Variants in ZNF638 observed in about 807,000 individuals in gnomAD.
The protein encoded by ZNF638 is CTCL tumor antigen se33-1.
A neutral mutation model predicts 195.6 loss-of-function variants in ZNF638; 46 were observed. The observed-to-expected ratio is 0.24, with a 90% CI of 0.19 to 0.30. ZNF638 has a LOEUF of 0.30. Among genes scored for constraint, ZNF638 ranks in the 10% least tolerant of loss-of-function variants. ZNF638 has a pLI of 1.00. For missense variants in ZNF638, 2,440 were observed against 2,325.3 expected, an observed-to-expected ratio of 1.05 and a Z score of -1.01; for synonymous variants, 845 against 772.0, an observed-to-expected ratio of 1.09 and a Z score of -1.57.
At chr2:71,390,007 C>A (rs112615590) in intron 10 of ZNF638, among the ~76,000 whole-genome samples, 1 of 152,150 alleles carries the variant, frequency 6.6e-6, no homozygotes, top group Non-Finnish European at 1.5e-5. Flanking sequence ...AGGGAGAAAA[C>A]CCCAAATTGT....
intron 1 of ZNF638, among the ~76,000 whole-genome samples, chr2:71,341,400 T>C (rs79337835): frequency 0.023 from 3,439 of 152,222 alleles, 130 homozygotes; most frequent in African/African-American, 0.078. Context: ...AAAAATAAAA[T>C]GTCAACTGAA....
chr2:71,359,320 G>A (rs541623217), intron 3 of ZNF638, among the ~76,000 whole-genome samples: 1 of 152,260 alleles, frequency 6.6e-6, no homozygotes, highest in Admixed American at 6.5e-5. Flanking sequence ...AGGCCCTATA[G>A]CCCCAGGAGC....
At chr2:71,427,799 A>G (rs550423787) in intron 24 of ZNF638, among the ~76,000 whole-genome samples, 1 of 152,360 alleles carries the variant, frequency 6.6e-6, no homozygotes, top group Non-Finnish European at 1.5e-5. Context: ...AGAACTATTT[A>G]TAAAGGAACT....
rs1442669262 is a variant in ZNF638, at chr2:71,401,475, G to A, written c.2698-481G>A. On this transcript the variant is annotated intron_variant, in intron 15 of 27. Coordinates refer to ENST00000264447, the MANE Select transcript of ZNF638 (RefSeq NM_014497.5). ...AGGATACACACTGATTTGGAGCTTGGGGATATTATCACAAGGCACAGGGAT... is the reference window on the plus strand; with the variant it reads ...AGGATACACACTGATTTGGAGCTTGAGGATATTATCACAAGGCACAGGGAT... 3.3e-5 allele frequency among the ~76,000 whole-genome samples: 5 copies of A among 152,052 alleles called. No individual in the cohort carries two copies. The East Asian group carries it at 9.6e-4, about 29-fold the overall frequency.
In ZNF638 at chr2:71,410,909, G is replaced by GT. The variant is rs200826644; in HGVS notation, c.3261+2668dup. On this transcript the variant is annotated intron_variant, in intron 20 of 27. Coordinates refer to ENST00000264447, the MANE Select transcript of ZNF638 (RefSeq NM_014497.5). ...TGGTATTGCTAGTCCAGTGAGTAAG[G>GT]TTTTTTCTTGGTTTGGGACTCATTT... Among the ~76,000 whole-genome samples, 877 of 147,864 alleles carry GT rather than the reference G, an allele frequency of 5.9e-3. 9 individuals are homozygous for GT. The highest frequency in any genetic ancestry group is 0.019 in the African/African-American group (763 of 39,710).
At chr2:71,356,884 C>T (rs1006803779) in intron 3 of ZNF638, among the ~76,000 whole-genome samples, 1 of 151,996 alleles carries the variant, frequency 6.6e-6, no homozygotes, top group Admixed American at 6.6e-5. Flanking sequence ...TCAGGAGCAG[C>T]TGTATTGGAT....
chr2:71,424,634 T>C lies in ZNF638; in HGVS notation c.4525-16T>C, dbSNP rs965525323. On this transcript the variant is annotated splice_polypyrimidine_tract_variant and intron_variant, in intron 22 of 27. Transcript: ENST00000264447. ...TGTAAATTCCGTTTTTCTGTATTTC[T>C]TATTTACTATTTCAGACTTTGGCTG... 1 of 1,595,938 alleles carries C rather than the reference T, an allele frequency of 6.3e-7. No individual in the cohort carries two copies. Among genetic ancestry groups the C allele is most frequent in the African/African-American group, 1.4e-5 (1 of 73,950 alleles).
chr2:71,335,066 T>C (rs554395196), intron 1 of ZNF638, among the ~76,000 whole-genome samples: 11 of 152,296 alleles, frequency 7.2e-5, no homozygotes, highest in African/African-American at 2.6e-4. Flanking sequence ...TTTTGCTTTG[T>C]TTTTGAGACA....
chr2:71,401,015 T>C (rs955838822), intron 15 of ZNF638, among the ~76,000 whole-genome samples: 7 of 152,184 alleles, frequency 4.6e-5, no homozygotes, highest in Non-Finnish European at 7.3e-5. Context: ...CAATCATTAA[T>C]TTACATTTTA....
In ZNF638 at chr2:71,406,134, A is replaced by G. The variant is rs2080101113; in HGVS notation, c.3007A>G (p.Ile1003Val). The change falls in exon 19 of 28, where the codon ATA becomes GTA. Residue 1003 changes from isoleucine to valine, a missense_variant. Transcript: ENST00000264447. ...LVKENDPEAN[I>V]DTIYDRFVHL... ...GTCTCTTAAAAAACTACAGGCAAAC[A>G]TAGATACAATTTATGATCGATTTGT... The G allele has an allele frequency of 6.2e-7, 1 of 1,613,510 alleles. No individual in the cohort carries two copies. Among genetic ancestry groups the G allele is most frequent in the Non-Finnish European group, 8.5e-7 (1 of 1,179,704 alleles).
At position 71,369,967 on chromosome 2, in the gene ZNF638, A is replaced by C; in HGVS notation, c.2227A>C (p.Ser743Arg). 1.3e-6 allele frequency: 2 copies of C among 1,597,882 alleles called. No homozygotes were observed. The highest frequency in any genetic ancestry group is 1.7e-6 in the Non-Finnish European group (2 of 1,175,268). ...AACACCTCTTACGATAAAAGGAAAA[A>C]GTGTGAAAATATGTGTTCCAGGAAA... ...ETTPLTIKGK[S>R]VKICVPGKKK... The change falls in exon 8 of 28, where the codon AGT becomes CGT. Residue 743 changes from serine to arginine, a missense_variant. Physicochemically the swap from Ser to Arg is moderately radical, Grantham distance 110. Around this residue, in one of 5 missense-constraint regions of ZNF638, gnomAD observed 1,883 missense variants for 1,739.1 expected, o/e 1.08. Transcript: ENST00000264447.
At chr2:71,430,023 A>G (rs2080624770) in intron 25 of ZNF638, among the ~76,000 whole-genome samples, 1 of 152,224 alleles carries the variant, frequency 6.6e-6, no homozygotes, top group South Asian at 2.1e-4. Flanking sequence ...CTTGGCAATC[A>G]GCTTGCTTAG....
chr2:71,343,901 C>T (rs558892376), intron 1 of ZNF638, among the ~76,000 whole-genome samples: 37 of 47,976 alleles, frequency 7.7e-4, no homozygotes, highest in African/African-American at 1.3e-3. Flanking sequence ...GAGGCTGAGG[C>T]GGGTGGATCA....
At chr2:71,410,980 A>ACCC (rs1215256972) in intron 20 of ZNF638, among the ~76,000 whole-genome samples, 8 of 42,626 alleles carry the variant, frequency 1.9e-4, no homozygotes, top group African/African-American at 3.9e-4. Flanking sequence ...CCCACCCACC[A>ACCC]CCTCCCCCCC....
intron 20 of ZNF638, among the ~76,000 whole-genome samples, chr2:71,409,582 G>T (rs2080171137): frequency 6.6e-6 from 1 of 152,138 alleles, no homozygotes; most frequent in Non-Finnish European, 1.5e-5. Context: ...TATATTCCCA[G>T]TCATTTCTCA....
intron 16 of ZNF638, 63 bp from the exon 17 acceptor site, chr2:71,403,807 A>G (rs1427020866): frequency 1.4e-5 from 17 of 1,221,776 alleles, no homozygotes; most frequent in Non-Finnish European, 1.9e-5. Context: ...TATACTTGCA[A>G]GTCTGTTTTT....
intron 1 of ZNF638, among the ~76,000 whole-genome samples, chr2:71,348,156 A>G (rs1344400771): frequency 2.0e-5 from 3 of 152,216 alleles, no homozygotes; most frequent in African/African-American, 7.2e-5. Flanking sequence ...ATGCCATTGC[A>G]TACTGTTTTC....
At chr2:71,409,305 T>A (rs2080165447) in intron 20 of ZNF638, among the ~76,000 whole-genome samples, 1 of 152,210 alleles carries the variant, frequency 6.6e-6, no homozygotes, top group South Asian at 2.1e-4. Flanking sequence ...TAATCAACTC[T>A]ATATTATCTT....
chr2:71,365,419 T>G lies in ZNF638; in HGVS notation c.1718-10T>G. ...TTCCAATTGAAATTATATTTATATC[T>G]TTTTACTAGATAGAAAAAAAGCATT... On this transcript the variant is annotated splice_polypyrimidine_tract_variant and intron_variant, in intron 5 of 27. Transcript: ENST00000264447. 1 of 1,563,794 alleles carries G rather than the reference T, an allele frequency of 6.4e-7. No homozygotes were observed. The highest frequency in any genetic ancestry group is 8.6e-7 in the Non-Finnish European group (1 of 1,159,598).
Sources: gnomAD v4.1 joint callset for allele counts (sites outside exome capture counted in the v4.1 genomes callset) on GRCh38, gnomAD v4.1.1 for gene constraint, gnomAD v4.1.1 regional missense constraint, MANE v1.5 for transcripts, NCBI Gene and HGNC (gene_info 2026-07-23, HGNC 2026-07-21) for gene names.